Variants in EYS observed in about 807,000 individuals in gnomAD.
EYS encodes protein eyes shut homolog.
A neutral mutation model predicts 282.1 loss-of-function variants in EYS; 250 were observed. The observed-to-expected ratio is 0.89, with a 90% CI of 0.80 to 0.98. The LOEUF is 0.98. EYS is among the 50% of genes least tolerant of loss of function. The probability of loss-of-function intolerance (pLI) is 0.00; values close to 1 mark genes in which losing one functional copy is unlikely to be tolerated. For synonymous variants in EYS, 1,355 were observed against 1,282.9 expected (o/e 1.06, Z -1.20); for missense variants, 4,016 against 3,709.0 (o/e 1.08, Z -2.15).
At chr6:65,137,108 G>T (rs9453200) in intron 12 of EYS, among the ~76,000 whole-genome samples, 4,298 of 152,080 alleles carry the variant, frequency 0.028, 156 homozygotes, top group African/African-American at 0.086. Flanking sequence ...CCTTATAGAA[G>T]AGTCCAGATA....
intron 35 of EYS, among the ~76,000 whole-genome samples, chr6:63,967,800 G>C (rs1168117486): frequency 6.6e-6 from 1 of 152,102 alleles, no homozygotes; most frequent in Non-Finnish European, 1.5e-5. Flanking sequence ...CCTTGCATTT[G>C]TATGATGTTT....
chr6:63,859,495 T>A (rs1447681131), intron 36 of EYS, among the ~76,000 whole-genome samples: 3 of 152,022 alleles, frequency 2.0e-5, no homozygotes, highest in Non-Finnish European at 4.4e-5. Context: ...GGTAAATTAT[T>A]ATGAAATATT....
At chr6:64,264,676 G>GA (rs1366082228) in intron 30 of EYS, among the ~76,000 whole-genome samples, 1 of 152,108 alleles carries the variant, frequency 6.6e-6, no homozygotes, top group African/African-American at 2.4e-5. Context: ...TTGGGAGGCT[G>GA]AAGCAGGTAT....
intron 15 of EYS, among the ~76,000 whole-genome samples, chr6:64,933,104 A>G (rs1287140594): frequency 1.3e-5 from 2 of 152,092 alleles, no homozygotes; most frequent in Non-Finnish European, 2.9e-5. Flanking sequence ...TGACAAATAT[A>G]TTAAGTCAGC....
At chr6:63,883,986 G>A (rs1236537132) in intron 35 of EYS, among the ~76,000 whole-genome samples, 1 of 152,148 alleles carries the variant, frequency 6.6e-6, no homozygotes, top group Non-Finnish European at 1.5e-5. Context: ...CTTTTGAGAT[G>A]TGCGTATTTT....
intron 24 of EYS, 121 bp downstream of exon 24, chr6:64,617,297 G>C: frequency 1.5e-6 from 1 of 687,452 alleles, no homozygotes; most frequent in Non-Finnish European, 2.6e-6. Flanking sequence ...GCACAGAGAA[G>C]GAGAGATGCG....
intron 28 of EYS, among the ~76,000 whole-genome samples, chr6:64,422,603 T>G (rs1582733997): frequency 6.6e-6 from 1 of 152,348 alleles, no homozygotes; most frequent in South Asian, 2.1e-4. Flanking sequence ...GTGTTATCTT[T>G]GAATCCTGTT....
chr6:64,748,289 T>C (rs1772623079), intron 22 of EYS, among the ~76,000 whole-genome samples: 1 of 152,232 alleles, frequency 6.6e-6, no homozygotes, highest in African/African-American at 2.4e-5. Context: ...AGGAAAGTTA[T>C]AGAGCAGCGC....
intron 2 of EYS, among the ~76,000 whole-genome samples, chr6:65,624,534 G>C (rs569307808): frequency 7.9e-5 from 12 of 152,246 alleles, no homozygotes; most frequent in African/African-American, 2.9e-4. Flanking sequence ...TTGTTCCTGG[G>C]TGTGTTTGTG....
At position 65,636,078 on chromosome 6, in the gene EYS, G is replaced by A. The variant is rs532492509; in HGVS notation, c.-333+3700C>T. 5.3e-5 allele frequency among the ~76,000 whole-genome samples: 8 copies of A among 152,236 alleles called. No individual in the cohort carries two copies. The South Asian group carries it at 1.2e-3, about 24-fold the overall frequency. ...ATGCCATGGTCTTTATTTATGCAGC[G>A]GGCAGGAAGAACTGATCAAGCAATT... On this transcript the variant is annotated intron_variant, in intron 2 of 42. Coordinates refer to ENST00000503581, the MANE Select transcript of EYS (RefSeq NM_001142800.2).
intron 12 of EYS, among the ~76,000 whole-genome samples, chr6:65,239,407 G>C (rs1767002910): frequency 6.6e-6 from 1 of 151,836 alleles, no homozygotes; most frequent in Non-Finnish European, 1.5e-5. Context: ...TTAACTAAAG[G>C]CTAGTTTAAT....
intron 5 of EYS, among the ~76,000 whole-genome samples, chr6:65,443,393 T>C (rs111218668): frequency 2.2e-4 from 23 of 104,824 alleles, no homozygotes; most frequent in Non-Finnish European, 4.5e-4. Context: ...CATATATGCA[T>C]ACATGTATGT....
At chr6:64,226,358 A>G (rs970182737) in intron 31 of EYS, among the ~76,000 whole-genome samples, 1 of 152,168 alleles carries the variant, frequency 6.6e-6, no homozygotes, top group Non-Finnish European at 1.5e-5. Context: ...TAGAATATCA[A>G]TTAAAACAAA....
chr6:65,279,225 G>A (rs1046667990), intron 12 of EYS, among the ~76,000 whole-genome samples: 4 of 151,588 alleles, frequency 2.6e-5, no homozygotes, highest in African/African-American at 9.7e-5. Context: ...AACAAATATG[G>A]TACCTGTTTA....
chr6:65,495,244 T>A lies in EYS; in HGVS notation c.167A>T (p.Asp56Val), dbSNP rs1766210720. 1 of 1,614,038 alleles carries A rather than the reference T, an allele frequency of 6.2e-7. No individual in the cohort carries two copies. Among genetic ancestry groups the A allele is most frequent in the African/African-American group, 1.3e-5 (1 of 74,924 alleles). The change falls in exon 4 of 43, where the codon GAT (aspartate) becomes GTT (valine). Residue 56 changes from aspartate (D) to valine (V), a missense_variant. Physicochemically the swap from Asp to Val is radical, Grantham distance 152 (BLOSUM62 -3). Coordinates refer to ENST00000503581, the MANE Select transcript of EYS (RefSeq NM_001142800.2). ...AGTGTTTACACCCAAAAACCAGCAA[T>A]CTCTGTAGAAGTCCAAGCAGATGTT... ...TENICLDFYR[D>V]CWFLGVNTKI...
intron 31 of EYS, among the ~76,000 whole-genome samples, chr6:64,214,412 ATT>A (rs1396995903): frequency 6.6e-6 from 1 of 152,130 alleles, no homozygotes; most frequent in African/African-American, 2.4e-5. Context: ...AGCAAAAGAC[ATT>A]GTTACTGAAA....
intron 19 of EYS, among the ~76,000 whole-genome samples, chr6:64,873,060 T>C (rs1766642805): frequency 6.6e-6 from 1 of 152,088 alleles, no homozygotes; most frequent in Admixed American, 6.6e-5. Context: ...TGTATTAGAC[T>C]GTTTTTACAC....
At chr6:65,378,277 TG>T (rs1160230718) in intron 8 of EYS, among the ~76,000 whole-genome samples, 1 of 151,992 alleles carries the variant, frequency 6.6e-6, no homozygotes, top group Non-Finnish European at 1.5e-5. Context: ...AACAAACATA[TG>T]AAAAAAAGCT....
intron 1 of EYS, among the ~76,000 whole-genome samples, chr6:65,686,304 T>C (rs753674340): frequency 1.3e-5 from 2 of 152,076 alleles, no homozygotes; most frequent in African/African-American, 4.8e-5. Flanking sequence ...TGTCTACCTC[T>C]GCATCTTGAA....
Sources: allele counts gnomAD v4.1 joint callset (sites outside exome capture counted in the v4.1 genomes callset), GRCh38; gene constraint gnomAD v4.1.1; transcripts MANE v1.5; gene names NCBI Gene and HGNC (gene_info 2026-07-23, HGNC 2026-07-21).